RERE: variants seen among roughly 807,000 people sequenced by gnomAD.
RERE encodes arginine-glutamic acid dipeptide repeats protein.
Under a neutral mutation model 146.1 loss-of-function variants are expected in RERE, and 40 were observed. The ratio of observed to expected loss-of-function variants is 0.27; its 90% CI spans 0.21 to 0.36. RERE has a LOEUF of 0.36. Ranked by LOEUF, RERE falls within the 10% of genes least tolerant of loss-of-function variation. RERE has a pLI of 1.00. For missense variants in RERE, 1,933 were observed against 2,138.7 expected, an observed-to-expected ratio of 0.90 and a Z score of 1.90; for synonymous variants, 1,003 against 866.0, an observed-to-expected ratio of 1.16 and a Z score of -2.78.
intron 11 of RERE, among the ~76,000 whole-genome samples, chr1:8,460,137 A>T (rs1178992963): frequency 6.6e-6 from 1 of 152,160 alleles, no homozygotes; most frequent in Non-Finnish European, 1.5e-5. Context: ...CATTTTCCTC[A>T]GCTGCCATGC....
intron 10 of RERE, among the ~76,000 whole-genome samples, chr1:8,480,590 C>A (rs565897442): frequency 6.6e-6 from 1 of 151,798 alleles, no homozygotes. Flanking sequence ...CATGCACCAC[C>A]ATACTTGGCT....
intron 10 of RERE, among the ~76,000 whole-genome samples, chr1:8,472,837 G>C (rs888308680): frequency 6.6e-6 from 1 of 151,768 alleles, no homozygotes; most frequent in African/African-American, 2.4e-5. Context: ...CATCACCACA[G>C]GTGTGTGGCA....
chr1:8,786,228 TG>T, intron 1 of RERE: 2 of 926,782 alleles, frequency 2.2e-6, no homozygotes, highest in Non-Finnish European at 3.4e-6. Flanking sequence ...CCTGTGGATC[TG>T]GTCCTCCCTG....
chr1:8,397,698 C>T (rs1419076409), intron 12 of RERE, among the ~76,000 whole-genome samples: 4 of 152,110 alleles, frequency 2.6e-5, no homozygotes, highest in East Asian at 1.9e-4. Context: ...AGGATCCACG[C>T]GCCTTAGACC....
At chr1:8,378,702 A>G (rs574724064) in intron 12 of RERE, among the ~76,000 whole-genome samples, 1 of 152,312 alleles carries the variant, frequency 6.6e-6, no homozygotes, top group African/African-American at 2.4e-5. Context: ...CTGTAAGAAA[A>G]TAAGTTCTGT....
chr1:8,791,002 A>G (rs1641354517), intron 1 of RERE, among the ~76,000 whole-genome samples: 1 of 152,254 alleles, frequency 6.6e-6, no homozygotes, highest in African/African-American at 2.4e-5. Context: ...GGACTCAGAA[A>G]AAATGAAATT....
At chr1:8,722,377 T>C (rs1639880412) in intron 1 of RERE, among the ~76,000 whole-genome samples, 1 of 152,222 alleles carries the variant, frequency 6.6e-6, no homozygotes, top group African/African-American at 2.4e-5. Context: ...GCGATACTAA[T>C]ATTTATTGAG....
chr1:8,799,794 T>C (rs1273090464), intron 1 of RERE, among the ~76,000 whole-genome samples: 2 of 149,928 alleles, frequency 1.3e-5, no homozygotes, highest in Non-Finnish European at 3.0e-5. Flanking sequence ...TTAGTGTTAA[T>C]GTTTTGTTTT....
intron 8 of RERE, among the ~76,000 whole-genome samples, chr1:8,502,513 G>T (rs1645185454): frequency 8.0e-6 from 1 of 125,364 alleles, no homozygotes; most frequent in Non-Finnish European, 1.7e-5. Flanking sequence ...GGAGGTCAGG[G>T]GCGCTTCTGC....
At chr1:8,404,730 G>A (rs1041340136) in intron 12 of RERE, among the ~76,000 whole-genome samples, 1 of 152,190 alleles carries the variant, frequency 6.6e-6, no homozygotes, top group East Asian at 1.9e-4. Flanking sequence ...TCACAGCAGG[G>A]TCGACAACCC....
At chr1:8,478,084 A>C (rs1216059314) in intron 10 of RERE, among the ~76,000 whole-genome samples, 1 of 152,226 alleles carries the variant, frequency 6.6e-6, no homozygotes, top group African/African-American at 2.4e-5. Flanking sequence ...GTTACCTCAC[A>C]ATTCTAGCTT....
intron 4 of RERE, among the ~76,000 whole-genome samples, chr1:8,583,012 C>T (rs1423050581): frequency 6.6e-6 from 1 of 152,150 alleles, no homozygotes; most frequent in Non-Finnish European, 1.5e-5. Flanking sequence ...AAGGATAAAA[C>T]GATTCCTCTG....
At chr1:8,427,145 C>T (rs556464291) in intron 11 of RERE, among the ~76,000 whole-genome samples, 17 of 152,236 alleles carry the variant, frequency 1.1e-4, no homozygotes, top group Non-Finnish European at 2.4e-4. Context: ...TGTGAGTCAC[C>T]GCACCCGGAC....
At chr1:8,651,472 T>G (rs1242484262) in intron 2 of RERE, among the ~76,000 whole-genome samples, 1 of 152,160 alleles carries the variant, frequency 6.6e-6, no homozygotes, top group Non-Finnish European at 1.5e-5. Flanking sequence ...ATCCTAAGCT[T>G]TTAAGATACA....
intron 20 of RERE, among the ~76,000 whole-genome samples, chr1:8,357,352 T>C (rs142764578): frequency 1.3e-3 from 191 of 152,256 alleles, no homozygotes; most frequent in African/African-American, 4.4e-3. Context: ...CAATGGTGAG[T>C]GCTCTCCCAT....
intron 12 of RERE, among the ~76,000 whole-genome samples, chr1:8,407,359 A>T (rs1643476518): frequency 6.6e-6 from 1 of 152,184 alleles, no homozygotes; most frequent in Admixed American, 6.5e-5. Context: ...CTGCTACCTT[A>T]TGAGACAGTT....
At chr1:8,475,097 C>T (rs1216487652) in intron 10 of RERE, among the ~76,000 whole-genome samples, 3 of 152,134 alleles carry the variant, frequency 2.0e-5, no homozygotes, top group Non-Finnish European at 4.4e-5. Context: ...TTCTTAGCCA[C>T]GTGCAGTGGC....
At chr1:8,642,792 A>C (rs181979046) in intron 2 of RERE, among the ~76,000 whole-genome samples, 1 of 152,280 alleles carries the variant, frequency 6.6e-6, no homozygotes, top group Admixed American at 6.5e-5. Flanking sequence ...TATAAATATC[A>C]ATCTTAAGGA....
intron 1 of RERE, among the ~76,000 whole-genome samples, chr1:8,788,562 A>C (rs1641301839): frequency 6.6e-6 from 1 of 151,446 alleles, no homozygotes; most frequent in African/African-American, 2.4e-5. Flanking sequence ...ATGGGATTTC[A>C]CCATGTTGGC....
Sources: allele counts gnomAD v4.1 joint callset (sites outside exome capture counted in the v4.1 genomes callset), GRCh38; gene constraint gnomAD v4.1.1; transcripts MANE v1.5; gene names NCBI Gene and HGNC (gene_info 2026-07-23, HGNC 2026-07-21).